The following GLI1 variants were observed in gnomAD, a reference collection of about 807,000 sequenced individuals.
GLI1 encodes the protein GLI family zinc finger 1, also known as transcription activator GLI1.
Under a neutral mutation model 87.8 loss-of-function variants are expected in GLI1, and 51 were observed. That is an observed-to-expected ratio of 0.58 (90% CI 0.46 to 0.73). The LOEUF (loss-of-function observed/expected upper bound fraction) is 0.73, where lower values mean the gene tolerates loss of function less well. Among genes scored for constraint, GLI1 ranks in the 30% least tolerant of loss-of-function variants. The probability of loss-of-function intolerance (pLI) is 0.00; values close to 1 mark genes in which losing one functional copy is unlikely to be tolerated. For synonymous variants in GLI1, 528 were observed against 558.2 expected, an observed-to-expected ratio of 0.95 and a Z score of 0.76; for missense variants, 1,292 against 1,437.2, an observed-to-expected ratio of 0.90 and a Z score of 1.63.
Position 57,471,588 on chromosome 12 carries a change from C to T in GLI1, c.2848C>T (p.Pro950Ser). The T allele has an allele frequency of 6.2e-7, 1 of 1,613,820 alleles. No homozygotes were observed. The highest frequency in any genetic ancestry group is 8.5e-7 in the Non-Finnish European group (1 of 1,179,864). Residue 950 changes from proline (P) to serine (S), a missense_variant, in exon 12 of 12, where the codon CCT becomes TCT. Coordinates refer to ENST00000228682, the MANE Select transcript of GLI1 (RefSeq NM_005269.3). The surrounding 1 kb of genome is among the most constrained non-coding windows in gnomAD (Gnocchi z 4.9). The part of the protein sequence containing the change: ...RAKAPVNTYG[P>S]GFGPNLPNHK... ...TAAAGCTCCAGTGAACACATATGGA[C>T]CTGGCTTTGGACCCAACTTGCCCAA...
At position 57,471,181 on chromosome 12, in the gene GLI1, T is replaced by A; in HGVS notation, c.2441T>A (p.Val814Asp). 6.2e-7 allele frequency: 1 copy of A among 1,603,460 alleles called. No homozygotes were observed. The highest frequency in any genetic ancestry group is 8.5e-7 in the Non-Finnish European group (1 of 1,174,660). The change falls in exon 12 of 12, where the codon GTC (valine) becomes GAC (aspartate). Residue 814 changes from valine (V) to aspartate (D), a missense_variant. Val to Asp is a radical substitution (Grantham distance 152). Transcript: ENST00000228682. This position sits in a 1 kb window ranked among gnomAD's most constrained non-coding sequence, Gnocchi z 4.9. ...PRLEHYGQVQ[V>D]KPEQGCPVGS... ...CTTGAACATTATGGACAAGTGCAAG[T>A]CAAGCCAGAACAGGGGTGCCCAGTG...
Position 57,467,317 on chromosome 12 carries a change from C to A in GLI1, c.913-16C>A. 2 of 1,592,390 alleles carry A rather than the reference C, an allele frequency of 1.3e-6. No homozygotes were observed. The highest frequency in any genetic ancestry group is 2.7e-5 in the African/African-American group (2 of 74,628). ...TCTGTCTGAGAACTATCCTTTGACCCCTGCATGTCCCCCAGTTTGAAGGGT... is the reference window on the plus strand; with the variant it reads ...TCTGTCTGAGAACTATCCTTTGACCACTGCATGTCCCCCAGTTTGAAGGGT... On this transcript the variant is annotated splice_polypyrimidine_tract_variant and intron_variant, in intron 8 of 11. Transcript: ENST00000228682.
chr12:57,463,734 G>A lies in GLI1; in HGVS notation c.43G>A (p.Glu15Lys), dbSNP rs890327478. Residue 15 changes from glutamate to lysine, a missense_variant, in exon 2 of 12, where the codon GAG becomes AAG. Transcript: ENST00000228682. ...CCCACCACCAATCAGTAGCTATGGCGAGCCCTGCTGTCTCCGGCCCCTCCC... is the reference window on the plus strand; with the variant it reads ...CCCACCACCAATCAGTAGCTATGGCAAGCCCTGCTGTCTCCGGCCCCTCCC... ...MTPPPISSYGEPCCLRPLPSQ... is the reference protein window; with the variant it reads ...MTPPPISSYGKPCCLRPLPSQ... 2.5e-6 allele frequency: 4 copies of A among 1,612,192 alleles called. No homozygotes were observed. Among genetic ancestry groups the A allele is most frequent in the Non-Finnish European group, 3.4e-6 (4 of 1,179,734 alleles).
Position 57,471,492 on chromosome 12 carries a change from G to T in GLI1, c.2752G>T (p.Ala918Ser), listed in dbSNP as rs1488078943. 4 of 1,609,694 alleles carry T rather than the reference G, an allele frequency of 2.5e-6. No individual in the cohort carries two copies. In the East Asian group the frequency reaches 8.9e-5, roughly 36 times the overall value. The part of the protein sequence containing the change: ...LLWEGGGRED[A>S]PAQEPSYQSP... ...GTGGGAGGGTGGGGGCAGGGAAGAT[G>T]CCCCCGCCCAGGAACCTTCCTACCA... The change falls in exon 12 of 12, where the codon GCC becomes TCC. Residue 918 changes from alanine (A) to serine (S), a missense_variant. By Grantham distance (99) the Ala-to-Ser change is moderately conservative. This residue lies in a region of GLI1 where 897 missense variants were observed against 1,040.7 expected (regional missense o/e 0.86). Transcript: ENST00000228682. The surrounding 1 kb of genome is among the most constrained non-coding windows in gnomAD (Gnocchi z 4.9).
At chr12:57,463,146 TAC>T (rs1871250510) in intron 1 of GLI1, among the ~76,000 whole-genome samples, 1 of 151,958 alleles carries the variant, frequency 6.6e-6, no homozygotes, top group African/African-American at 2.4e-5. Flanking sequence ...ATCCCCAGAG[TAC>T]ACAGACTACA....
chr12:57,466,435 G>GCT, intron 8 of GLI1, 46 bp downstream of exon 8: 1 of 1,525,952 alleles, frequency 6.6e-7, no homozygotes. Flanking sequence ...CTAAATCAGG[G>GCT]CTCTCCTTCA....
intron 3 of GLI1, 103 bp downstream of exon 3, chr12:57,464,194 G>A (rs1871324587): frequency 1.2e-6 from 1 of 815,268 alleles, no homozygotes; most frequent in East Asian, 2.4e-5. Flanking sequence ...GGAGATGCTT[G>A]GAGATGTGAG....
intron 4 of GLI1, 27 bp from the exon 5 acceptor site, chr12:57,465,084 T>A: frequency 1.2e-6 from 2 of 1,611,996 alleles, no homozygotes; most frequent in Non-Finnish European, 1.7e-6. Flanking sequence ...CTAATTGTCT[T>A]AAGTAACTGC....
At chr12:57,466,513 T>C (rs1725806165) in intron 8 of GLI1, 124 bp downstream of exon 8, 1 of 665,746 alleles carries the variant, frequency 1.5e-6, no homozygotes, top group South Asian at 2.3e-5. Flanking sequence ...TTAAAAATAA[T>C]GTTTGTGTGA....
At chr12:57,468,481 T>G (rs535730301) in intron 10 of GLI1, among the ~76,000 whole-genome samples, 1 of 151,490 alleles carries the variant, frequency 6.6e-6, no homozygotes, top group African/African-American at 2.4e-5. Flanking sequence ...CTTTCTTTCT[T>G]TCTCTCTCTC....
rs746398371 is a variant in GLI1 at position 57,470,410 on chromosome 12, G to A, written c.1670G>A (p.Arg557His). Residue 557 changes from arginine (R) to histidine (H), a missense_variant, in exon 12 of 12, where the codon CGC (arginine) becomes CAC (histidine). Physicochemically the swap from Arg to His is conservative, Grantham distance 29. Transcript: ENST00000228682. ...ATCAGCTCTGCCTATACTGTCAGCC[G>A]CCGCTCCTCCCTGGCCTCTCCTTTC... ...SSISSAYTVSRRSSLASPFPP... is the reference protein window; with the variant it reads ...SSISSAYTVSHRSSLASPFPP... 10 of 1,613,786 alleles carry A rather than the reference G, an allele frequency of 6.2e-6. No individual in the cohort carries two copies. Among genetic ancestry groups the A allele is most frequent in the African/African-American group, 4.0e-5 (3 of 74,920 alleles).
At chr12:57,468,828 C>A (rs1871676318) in intron 10 of GLI1, among the ~76,000 whole-genome samples, 1 of 152,092 alleles carries the variant, frequency 6.6e-6, no homozygotes, top group South Asian at 2.1e-4. Flanking sequence ...GATCTCGGCT[C>A]ACTGCAACCT....
chr12:57,462,161 A>G (rs570625286), intron 1 of GLI1, among the ~76,000 whole-genome samples: 26 of 152,242 alleles, frequency 1.7e-4, no homozygotes, highest in East Asian at 5.8e-4. Context: ...TGGGTGAGTC[A>G]TAGAGGGAAG....
At position 57,459,904 on chromosome 12, in the gene GLI1, A is replaced by G. The variant is rs1871011885; in HGVS notation, c.-325A>G. Among the ~76,000 whole-genome samples the G allele has an allele frequency of 6.6e-6, 1 of 151,840 alleles. No homozygotes were observed. Among genetic ancestry groups the G allele is most frequent in the Non-Finnish European group, 1.5e-5 (1 of 67,948 alleles). On this transcript the variant is annotated 5_prime_UTR_variant, in exon 1 of 12. Transcript: ENST00000228682. ...CCGCCTCATCCTCCAGAACGGCAAG[A>G]GGGAGGGAAATAGAAGGGAGGTGAG...
chr12:57,463,209 C>A (rs1055234338), intron 1 of GLI1, among the ~76,000 whole-genome samples: 3 of 152,126 alleles, frequency 2.0e-5, no homozygotes, highest in Non-Finnish European at 4.4e-5. Context: ...CCTCCCCTCA[C>A]TCAGCGAGTG....
chr12:57,468,044 T>C lies in GLI1; in HGVS notation c.1128T>C (p.Pro376=). The C allele has an allele frequency of 1.9e-6, 3 of 1,614,250 alleles. No homozygotes were observed. Among genetic ancestry groups the C allele is most frequent in the African/African-American group, 1.3e-5 (1 of 75,082 alleles). Residue 376 remains proline (P), a synonymous_variant, in exon 10 of 12, where the codon CCT becomes CCC. Coordinates refer to ENST00000228682, the MANE Select transcript of GLI1 (RefSeq NM_005269.3). Reference sequence around the variant, plus strand: ...GCTGCACCAAACGCTATACAGATCCTAGCTCGCTGCGAAAACATGTCAAGA... The same window carrying C: ...GCTGCACCAAACGCTATACAGATCCCAGCTCGCTGCGAAAACATGTCAAGA... ...LPGCTKRYTD[P]SSLRKHVKTV...
At position 57,465,936 on chromosome 12, in the gene GLI1, G is replaced by C; in HGVS notation, c.762+11G>C. 3 of 1,612,152 alleles carry C rather than the reference G, an allele frequency of 1.9e-6. No homozygotes were observed. The highest frequency in any genetic ancestry group is 2.5e-6 in the Non-Finnish European group (3 of 1,178,308). On this transcript the variant is annotated intron_variant, in intron 7 of 11. Transcript: ENST00000228682. ...GAGCAGCTGGTGCACGTGAGCCCCAGGGGGTAACAGGAATGGCTAGCCAGA... is the reference window on the plus strand; with the variant it reads ...GAGCAGCTGGTGCACGTGAGCCCCACGGGGTAACAGGAATGGCTAGCCAGA...
chr12:57,467,549 G>C (rs780035319), intron 9 of GLI1, 52 bp downstream of exon 9: 48 of 1,445,940 alleles, frequency 3.3e-5, no homozygotes, highest in Non-Finnish European at 4.0e-5. Flanking sequence ...ACCTACCAGG[G>C]AGATTCCCCC....
At position 57,459,848 on chromosome 12, in the gene GLI1, C is replaced by G. The variant is rs891777653; in HGVS notation, c.-381C>G. On this transcript the variant is annotated 5_prime_UTR_variant, in exon 1 of 12. Transcript: ENST00000228682. ...CTGGGGGTCCTGGGGGTGCAATAAGCCCGGCACCCCTTCTCTTGCTTCCAG... is the reference window on the plus strand; with the variant it reads ...CTGGGGGTCCTGGGGGTGCAATAAGGCCGGCACCCCTTCTCTTGCTTCCAG... Among the ~76,000 whole-genome samples the G allele has an allele frequency of 1.6e-4, 24 of 151,664 alleles. No homozygotes were observed. In the South Asian group the frequency reaches 5.0e-3, roughly 32 times the overall value.
Sources: gnomAD v4.1 joint callset for allele counts (sites outside exome capture counted in the v4.1 genomes callset) on GRCh38, gnomAD v4.1.1 for gene constraint, gnomAD v4.1.1 regional missense constraint, Gnocchi (gnomAD v3.1) non-coding constraint, MANE v1.5 for transcripts, NCBI Gene and HGNC (gene_info 2026-07-23, HGNC 2026-07-21) for gene names.